Variants in NR4A1 observed in about 807,000 individuals in gnomAD.
NR4A1 encodes nuclear receptor subfamily 4immunitygroup A member 1.
A neutral mutation model predicts 47.5 loss-of-function variants in NR4A1; 24 were observed. That is an observed-to-expected ratio of 0.50 (90% CI 0.37 to 0.71). The LOEUF (loss-of-function observed/expected upper bound fraction) is 0.71. Among genes scored for constraint, NR4A1 ranks in the 30% least tolerant of loss-of-function variants. The pLI, the probability that NR4A1 is intolerant of heterozygous loss-of-function variation, is 0.00. For missense variants in NR4A1, 669 were observed against 788.6 expected (o/e 0.85, Z 1.82); for synonymous variants, 353 against 345.7 (o/e 1.02, Z -0.24).
chr12:52,028,886 A>C (rs536826809), intron 1 of NR4A1, among the ~76,000 whole-genome samples: 1 of 152,188 alleles, frequency 6.6e-6, no homozygotes, highest in Non-Finnish European at 1.5e-5. Context: ...CTGGGTGACA[A>C]AGCGAGACTC....
intron 1 of NR4A1, chr12:52,041,747 T>C (rs1938446936): frequency 8.0e-7 from 1 of 1,255,196 alleles, no homozygotes; most frequent in Non-Finnish European, 1.0e-6. Context: ...CTGGGCATGC[T>C]GTCTCCAGGG....
chr12:52,043,654 C>CA, intron 2 of NR4A1: 1 of 1,187,550 alleles, frequency 8.4e-7, no homozygotes, highest in South Asian at 1.5e-5. Context: ...TGGCTCCCCC[C>CA]ATCCCCAGAG....
intron 1 of NR4A1, among the ~76,000 whole-genome samples, chr12:52,027,118 T>C (rs1938014911): frequency 6.6e-6 from 1 of 152,152 alleles, no homozygotes; most frequent in Non-Finnish European, 1.5e-5. Flanking sequence ...GGGTGGGCCT[T>C]ACAGTGGGAG....
chr12:52,049,884 G>T (rs764420856), upstream of NR4A1, among the ~76,000 whole-genome samples: 2 of 152,096 alleles, frequency 1.3e-5, no homozygotes, highest in Non-Finnish European at 2.9e-5. Flanking sequence ...AGACAAGGGT[G>T]TGGGAAAACT....
At chr12:52,052,573 C>A (rs1227748265) in intron 1 of NR4A1, 1 of 985,604 alleles carries the variant, frequency 1.0e-6, no homozygotes, top group East Asian at 1.1e-4. Context: ...AAGCCGGATT[C>A]TCCCCACTGC....
intron 1 of NR4A1, chr12:52,038,545 C>T (rs1565641832): frequency 1.7e-6 from 1 of 601,786 alleles, no homozygotes; most frequent in Non-Finnish European, 3.0e-6. Flanking sequence ...CCACTGGGTG[C>T]TGATGGATTT....
In NR4A1 at chr12:52,058,991, C is replaced by T. The variant is rs370405147; in HGVS notation, c.*47C>T. The T allele has an allele frequency of 4.3e-4, 675 of 1,568,074 alleles. No individual in the cohort carries two copies. The highest frequency in any genetic ancestry group is 5.2e-4 in the Non-Finnish European group (597 of 1,150,806). On this transcript the variant is annotated 3_prime_UTR_variant, in exon 7 of 7. Coordinates refer to ENST00000394825, the MANE Select transcript of NR4A1 (RefSeq NM_173157.3). The stretch of plus-strand genomic sequence containing the variant: ...GCACATGCGCACTCTCATATGCCAC[C>T]CCATGTGCCTTTAGTCCACGGACCC...
intron 1 of NR4A1, among the ~76,000 whole-genome samples, chr12:52,029,265 C>T (rs565700209): frequency 1.3e-5 from 2 of 152,374 alleles, no homozygotes; most frequent in East Asian, 3.9e-4. Context: ...CTCCAAACGC[C>T]TGCAGCAGCA....
At chr12:52,041,206 A>G (rs1938421896) in intron 1 of NR4A1, among the ~76,000 whole-genome samples, 1 of 152,100 alleles carries the variant, frequency 6.6e-6, no homozygotes, top group Admixed American at 6.5e-5. Context: ...AAGCCTGCTG[A>G]TAAGCCTGTG....
chr12:52,033,689 C>T (rs1938179786), intron 1 of NR4A1, among the ~76,000 whole-genome samples: 2 of 152,222 alleles, frequency 1.3e-5, no homozygotes. Context: ...TGGACAGCCC[C>T]TGAGCCCTGA....
chr12:52,028,879 G>T (rs1047413865), intron 1 of NR4A1, among the ~76,000 whole-genome samples: 2 of 152,102 alleles, frequency 1.3e-5, no homozygotes, highest in Non-Finnish European at 2.9e-5. Context: ...CTCCAGCCTG[G>T]GTGACAAAGC....
In NR4A1 at chr12:52,056,097, G is replaced by T; in HGVS notation, c.944G>T (p.Arg315Leu). ...AAGGACTGCCCTGTGGACAAGAGGC[G>T]GCGAAACCGCTGCCAGTTCTGCCGC... ...ANKDCPVDKR[R>L]RNRCQFCRFQ... Residue 315 changes from arginine to leucine, a missense_variant, in exon 3 of 7, where the codon CGG becomes CTG. Arg to Leu is a moderately radical substitution (Grantham distance 102). Coordinates refer to ENST00000394825, the MANE Select transcript of NR4A1 (RefSeq NM_173157.3). The T allele has an allele frequency of 6.2e-7, 1 of 1,611,968 alleles. No individual in the cohort carries two copies. The highest frequency in any genetic ancestry group is 2.2e-5 in the East Asian group (1 of 44,778).
upstream of NR4A1, among the ~76,000 whole-genome samples, chr12:52,050,072 G>A (rs529518156): frequency 2.9e-4 from 44 of 152,278 alleles, no homozygotes; most frequent in African/African-American, 1.0e-3. Context: ...CAGTGGGGTG[G>A]CAGGGCTCTC....
chr12:52,043,642 AGT>A, intron 2 of NR4A1: 1 of 1,179,756 alleles, frequency 8.5e-7, no homozygotes, highest in South Asian at 1.5e-5. Context: ...GAGGGCCCAA[AGT>A]GGCTCCCCCC....
At chr12:52,023,550 C>T (rs1937932380) in intron 1 of NR4A1, among the ~76,000 whole-genome samples, 2 of 152,126 alleles carry the variant, frequency 1.3e-5, no homozygotes, top group Non-Finnish European at 2.9e-5. Flanking sequence ...CTTCCCCTCG[C>T]ACTAGCCCGC....
intron 6 of NR4A1, among the ~76,000 whole-genome samples, chr12:52,058,122 C>G (rs987421388): frequency 6.6e-6 from 1 of 152,172 alleles, no homozygotes; most frequent in African/African-American, 2.4e-5. Context: ...CCACGCCTAG[C>G]CCTTCACTGT....
intron 2 of NR4A1, among the ~76,000 whole-genome samples, chr12:52,044,398 C>T (rs1413348640): frequency 6.6e-6 from 1 of 152,180 alleles, no homozygotes; most frequent in Non-Finnish European, 1.5e-5. Context: ...GCTTTGGGTG[C>T]CTGAGAAGCA....
chr12:52,028,133 T>A (rs2120912522), intron 1 of NR4A1, among the ~76,000 whole-genome samples: 1 of 130,272 alleles, frequency 7.7e-6, no homozygotes, highest in East Asian at 2.3e-4. Flanking sequence ...GCCCAGGAGG[T>A]TGAGGCTGCA....
intron 1 of NR4A1, chr12:52,052,480 C>G (rs765863999): frequency 6.1e-6 from 6 of 985,576 alleles, no homozygotes; most frequent in Non-Finnish European, 7.2e-6. Flanking sequence ...CCAGTAGTCT[C>G]TGTTGGATCT....
Sources: allele counts gnomAD v4.1 joint callset (sites outside exome capture counted in the v4.1 genomes callset), GRCh38; gene constraint gnomAD v4.1.1; transcripts MANE v1.5; gene names NCBI Gene and HGNC (gene_info 2026-07-23, HGNC 2026-07-21).